The following GRIK1 variants were observed in gnomAD, a reference collection of about 807,000 sequenced individuals.
GRIK1 encodes glutamate ionotropic receptor kainate type subunit 1.
GRIK1 carries 69 observed loss-of-function variants against 105.7 expected under a neutral mutation model. The observed-to-expected ratio is 0.65, with a 90% CI of 0.54 to 0.80. The LOEUF (loss-of-function observed/expected upper bound fraction) is 0.80, where lower values mean the gene tolerates loss of function less well. Among genes scored for constraint, GRIK1 ranks in the 30% least tolerant of loss-of-function variants. The probability of loss-of-function intolerance (pLI) is 0.00; values close to 1 mark genes in which losing one functional copy is unlikely to be tolerated. For missense variants in GRIK1, 1,109 were observed against 1,167.3 expected (o/e 0.95, Z 0.73); for synonymous variants, 438 against 431.3 (o/e 1.02, Z -0.19).
intron 1 of GRIK1, among the ~76,000 whole-genome samples, chr21:29,928,203 G>A (rs1039962217): frequency 2.0e-5 from 3 of 152,194 alleles, no homozygotes; most frequent in African/African-American, 7.2e-5. Flanking sequence ...CATGTCCTAG[G>A]CTTTCTGTTG....
intron 7 of GRIK1, among the ~76,000 whole-genome samples, chr21:29,607,395 A>G (rs554721450): frequency 1.5e-4 from 23 of 150,600 alleles, no homozygotes; most frequent in African/African-American, 5.2e-4. Context: ...CTATCTCTGG[A>G]AATTAAAAAA....
intron 1 of GRIK1, among the ~76,000 whole-genome samples, chr21:29,826,755 G>T (rs1482244650): frequency 6.6e-6 from 1 of 152,064 alleles, no homozygotes; most frequent in Admixed American, 6.6e-5. Context: ...GAGAGAGAGA[G>T]AAATTTATTG....
chr21:29,929,983 C>A lies in GRIK1; in HGVS notation c.118+9400G>T, dbSNP rs543285486. Among the ~76,000 whole-genome samples the A allele has an allele frequency of 2.6e-5, 4 of 152,230 alleles. No individual in the cohort carries two copies. In the East Asian group the frequency reaches 5.8e-4, roughly 22 times the overall value. On this transcript the variant is annotated intron_variant, in intron 1 of 17. Coordinates refer to ENST00000327783, the MANE Select transcript of GRIK1 (RefSeq NM_001330994.2). ...TATACACAATGGAATACTATTCAGC[C>A]ACAAAACAGAATGAAATCCTGTCAT...
At chr21:29,789,179 C>G (rs1450298013) in intron 1 of GRIK1, among the ~76,000 whole-genome samples, 1 of 152,188 alleles carries the variant, frequency 6.6e-6, no homozygotes, top group Non-Finnish European at 1.5e-5. Flanking sequence ...CAAGAACCAC[C>G]CTTCCCCATA....
intron 4 of GRIK1, among the ~76,000 whole-genome samples, chr21:29,666,796 T>G (rs1426706717): frequency 6.6e-6 from 1 of 152,182 alleles, no homozygotes; most frequent in African/African-American, 2.4e-5. Context: ...CTAAAATACG[T>G]TTCAGGTTGC....
intron 8 of GRIK1, among the ~76,000 whole-genome samples, chr21:29,598,104 T>C (rs964964973): frequency 1.3e-5 from 2 of 152,170 alleles, no homozygotes; most frequent in Non-Finnish European, 2.9e-5. Flanking sequence ...ATCTTCAAAC[T>C]GTAAGTGTTA....
rs141480209 is a variant in GRIK1, at chr21:29,919,082, G to C, written c.118+20301C>G. 2.9e-4 allele frequency among the ~76,000 whole-genome samples: 44 copies of C among 152,086 alleles called. 2 individuals carry two copies. In the East Asian group the frequency reaches 8.0e-3, roughly 28 times the overall value. On this transcript the variant is annotated intron_variant, in intron 1 of 17. Transcript: ENST00000327783. ...CTGAGACATCTGCAGCTTTAGGAGA[G>C]AGGCACCCAAAATGAGCTAAGACCC...
At chr21:29,751,357 C>T (rs1285386607) in intron 1 of GRIK1, among the ~76,000 whole-genome samples, 2 of 152,164 alleles carry the variant, frequency 1.3e-5, no homozygotes, top group African/African-American at 4.8e-5. Flanking sequence ...CCTACTGCAG[C>T]CTTTTGCACA....
At chr21:29,912,088 G>T (rs769157142) in intron 1 of GRIK1, among the ~76,000 whole-genome samples, 2 of 151,976 alleles carry the variant, frequency 1.3e-5, no homozygotes, top group Admixed American at 6.6e-5. Flanking sequence ...ATGATAAAGT[G>T]GATATGGTAA....
intron 1 of GRIK1, among the ~76,000 whole-genome samples, chr21:29,871,353 T>C (rs965694938): frequency 3.9e-5 from 6 of 152,222 alleles, no homozygotes; most frequent in Non-Finnish European, 7.3e-5. Flanking sequence ...ACTTCATTCT[T>C]ACACAAACCC....
intron 1 of GRIK1, among the ~76,000 whole-genome samples, chr21:29,756,604 C>A (rs1237112224): frequency 6.6e-6 from 1 of 151,878 alleles, no homozygotes; most frequent in African/African-American, 2.4e-5. Context: ...GAATAAAGAT[C>A]TTACAAATAT....
At chr21:29,583,592 C>T (rs779960227) in intron 12 of GRIK1, among the ~76,000 whole-genome samples, 23 of 152,180 alleles carry the variant, frequency 1.5e-4, no homozygotes, top group Non-Finnish European at 2.8e-4. Flanking sequence ...TTGTTTCATA[C>T]TTTGCACTTA....
intron 4 of GRIK1, among the ~76,000 whole-genome samples, chr21:29,655,206 C>G (rs752941408): frequency 3.3e-5 from 5 of 152,136 alleles, no homozygotes; most frequent in Non-Finnish European, 5.9e-5. Context: ...GTCAGGAGTT[C>G]GAGACCAGCC....
At chr21:29,594,550 G>A (rs2061376859) in intron 9 of GRIK1, among the ~76,000 whole-genome samples, 1 of 152,168 alleles carries the variant, frequency 6.6e-6, no homozygotes, top group Admixed American at 6.5e-5. Flanking sequence ...AAATTACCTG[G>A]CCCTGATTTC....
intron 1 of GRIK1, among the ~76,000 whole-genome samples, chr21:29,846,302 C>T (rs555490728): frequency 8.2e-4 from 124 of 151,048 alleles, no homozygotes; most frequent in African/African-American, 2.8e-3. Flanking sequence ...GCAGGAGAAT[C>T]GCTTGAAGCC....
intron 1 of GRIK1, among the ~76,000 whole-genome samples, chr21:29,898,301 G>A (rs1170532792): frequency 6.6e-6 from 1 of 152,196 alleles, no homozygotes; most frequent in African/African-American, 2.4e-5. Flanking sequence ...ATTCCTAAGT[G>A]CTACGATGCC....
At chr21:29,886,158 C>G (rs899683635) in intron 1 of GRIK1, among the ~76,000 whole-genome samples, 2 of 152,070 alleles carry the variant, frequency 1.3e-5, no homozygotes, top group Non-Finnish European at 2.9e-5. Context: ...AGAAACAAAT[C>G]TTTACTTATA....
intron 1 of GRIK1, among the ~76,000 whole-genome samples, chr21:29,867,799 A>AGAAAGAAAGAAAGAAAGAAAGAAC (rs1488716502): frequency 6.9e-6 from 1 of 144,010 alleles, no homozygotes; most frequent in African/African-American, 2.7e-5. Flanking sequence ...TGTCGAAAGA[A>AGAAAGAAAGAAAGAAAGAAAGAAC]GAAAGAAAGA....
At chr21:29,872,402 C>T (rs1225368449) in intron 1 of GRIK1, among the ~76,000 whole-genome samples, 2 of 151,942 alleles carry the variant, frequency 1.3e-5, no homozygotes, top group African/African-American at 2.4e-5. Flanking sequence ...ATCATGTTAG[C>T]CAGGATGGTC....
Sources: gnomAD v4.1 joint callset for allele counts (sites outside exome capture counted in the v4.1 genomes callset) on GRCh38, gnomAD v4.1.1 for gene constraint, MANE v1.5 for transcripts, NCBI Gene and HGNC (gene_info 2026-07-23, HGNC 2026-07-21) for gene names.